Variants in NBPF14 observed in about 807,000 individuals in gnomAD.
The protein encoded by NBPF14 is NBPF member 14.
NBPF14 carries 104 observed loss-of-function variants against 91.2 expected under a neutral mutation model. The ratio of observed to expected loss-of-function variants is 1.14; its 90% CI spans 0.97 to 1.34. NBPF14 has a LOEUF of 1.34. Ranked by LOEUF, NBPF14 falls within the 40% of genes most tolerant of loss-of-function variation. The pLI, the probability that NBPF14 is intolerant of heterozygous loss-of-function variation, is 0.00. For synonymous variants in NBPF14, 294 were observed against 303.8 expected (o/e 0.97, Z 0.34); for missense variants, 908 against 783.0 (o/e 1.16, Z -1.91).
rs1332271006 is a variant in NBPF14 at position 148,539,273 on chromosome 1, T to G, written c.7882+137A>C. 3 of 634,730 alleles carry G rather than the reference T, an allele frequency of 4.7e-6. No individual in the cohort carries two copies. In the East Asian group the frequency reaches 9.7e-5, roughly 20 times the overall value. The allele number at this position is 634,730 out of a possible 1,614,324, so 39.3% of individuals were successfully genotyped here. A position where few individuals can be genotyped will look rare whatever the true frequency, so the allele number is the denominator to read the frequency against. ...CTTCCAACTGAGACTACAGTTTCTTTACAACCTATATGCGCCCATAGGTCC... is the reference window on the plus strand; with the variant it reads ...CTTCCAACTGAGACTACAGTTTCTTGACAACCTATATGCGCCCATAGGTCC... On this transcript the variant is annotated intron_variant, in intron 63 of 70. Coordinates refer to ENST00000619423, the Ensembl canonical transcript of NBPF14.
intron 28 of NBPF14, among the ~76,000 whole-genome samples, chr1:148,566,570 T>A (rs1658435295): frequency 7.2e-6 from 1 of 139,774 alleles, no homozygotes; most frequent in Non-Finnish European, 1.6e-5. Context: ...GAGAACGAGC[T>A]CAGTGAATTG....
chr1:148,561,808 CACACACACACAG>C (rs1657816750), intron 34 of NBPF14, among the ~76,000 whole-genome samples: 1 of 136,198 alleles, frequency 7.3e-6, no homozygotes, highest in Non-Finnish European at 1.5e-5. Context: ...CACAAACACA[CACACACACACAG>C]AGAGAGAGAG....
intron 15 of NBPF14, among the ~76,000 whole-genome samples, chr1:148,576,773 GGAGAAAA>G (rs1421843667): frequency 8.7e-5 from 13 of 148,674 alleles, no homozygotes; most frequent in Non-Finnish European, 1.8e-4. Flanking sequence ...ATGGTTGCTA[GGAGAAAA>G]ACTGCACTAT....
intron 7 of NBPF14, among the ~76,000 whole-genome samples, chr1:148,588,619 G>A (rs1346220131): frequency 7.9e-5 from 12 of 152,218 alleles, no homozygotes; most frequent in African/African-American, 2.9e-4. Flanking sequence ...TTACAGGAGT[G>A]AGCCACCATG....
At chr1:148,566,544 CACACACACACACACAG>C (rs2149516088) in intron 28 of NBPF14, among the ~76,000 whole-genome samples, 1 of 114,538 alleles carries the variant, frequency 8.7e-6, no homozygotes, top group African/African-American at 2.7e-5. Flanking sequence ...CACACACAAA[CACACACACACACACAG>C]AGAACGAGCT....
At chr1:148,554,761 A>T (rs1359156808) in intron 43 of NBPF14, among the ~76,000 whole-genome samples, 3 of 147,086 alleles carry the variant, frequency 2.0e-5, no homozygotes, top group Admixed American at 2.0e-4. Context: ...AGAGTGAAGG[A>T]TGAAATCCAC....
At chr1:148,578,928 A>G in intron 13 of NBPF14, 146 bp downstream of exon 13, 1 of 689,262 alleles carries the variant, frequency 1.5e-6, no homozygotes, top group Non-Finnish European at 2.6e-6. Flanking sequence ...ACTTGACTCC[A>G]GAGTGACTGA....
chr1:148,534,957 A>C lies in NBPF14; in HGVS notation c.8442-101T>G. On this transcript the variant is annotated intron_variant, in intron 68 of 70. Transcript: ENST00000619423. ...TAACATAAGGAACAGTTTAAAAAGA[A>C]AAAGGACAGATCCATTAATGAGGTA... 6 of 743,420 alleles carry C rather than the reference A, an allele frequency of 8.1e-6. No homozygotes were observed. The South Asian group carries it at 8.5e-5, about 11-fold the overall frequency. 46.1% of individuals were successfully genotyped at this position (743,420 alleles called of 1,614,324 possible).
chr1:148,532,408 T>G (rs1188017396), exon 71 of NBPF14: 1 of 162,312 alleles, frequency 6.2e-6, no homozygotes, highest in African/African-American at 2.4e-5. Context: ...TGTTTGTCCA[T>G]CTAGCTGTGG....
rs1654707565 is a variant in NBPF14 at position 148,534,677 on chromosome 1, T to C, written c.8614+7A>G. On this transcript the variant is annotated splice_region_variant and intron_variant, in intron 69 of 70. Coordinates refer to ENST00000619423, the Ensembl canonical transcript of NBPF14. ...GAGGCTTATCACCTTCATAGTAAGG[T>C]ACTCACTGTCCACGTCAAGAGCCAA... is the stretch of plus-strand genomic sequence containing the variant. The C allele has an allele frequency of 2.5e-6, 2 of 799,904 alleles. No homozygotes were observed. Among genetic ancestry groups the C allele is most frequent in the East Asian group, 2.4e-5 (1 of 41,228 alleles). The allele number at this position is 799,904 out of a possible 1,614,324, so 49.6% of individuals were successfully genotyped here.
intron 16 of NBPF14, 32 bp from the exon 17 acceptor site, chr1:148,575,843 CA>C (rs1659593033): frequency 3.2e-6 from 1 of 313,854 alleles, no homozygotes; most frequent in African/African-American, 7.1e-5. Context: ...AAGAATAAGC[CA>C]GGGGGAATCA....
At chr1:148,535,367 G>A in intron 68 of NBPF14, 86 bp downstream of exon 68, 1 of 562,372 alleles carries the variant, frequency 1.8e-6, no homozygotes, top group South Asian at 1.9e-5. Flanking sequence ...CTGAAAACAT[G>A]AAATTGAACA....
intron 51 of NBPF14, among the ~76,000 whole-genome samples, chr1:148,548,355 TC>T (rs1416593399): frequency 2.6e-5 from 1 of 38,262 alleles, no homozygotes; most frequent in East Asian, 6.5e-4. Context: ...AAATCATTTA[TC>T]CCAAGTTTGT....
chr1:148,593,508 C>A, intron 3 of NBPF14, 90 bp downstream of exon 3: 1 of 769,024 alleles, frequency 1.3e-6, no homozygotes, highest in African/African-American at 1.7e-5. Flanking sequence ...TCCCCTGGCC[C>A]AGCTTCGTTC....
At chr1:148,534,850 G>A (rs1211750383) in exon 69 of NBPF14, 2 of 998,282 alleles carry the variant, frequency 2.0e-6, no homozygotes, top group Non-Finnish European at 3.2e-6. Flanking sequence ...GCAGCTCCCT[G>A]CTGAGCCTGG....
intron 68 of NBPF14, 81 bp from the exon 69 acceptor site, chr1:148,534,937 T>G (rs1433203527): frequency 1.3e-6 from 1 of 744,884 alleles, no homozygotes; most frequent in African/African-American, 2.0e-5. Flanking sequence ...ATGGCTAACA[T>G]AAGGAACAGT....
At chr1:148,534,761 G>A in exon 69 of NBPF14, 1 of 821,960 alleles carries the variant, frequency 1.2e-6, no homozygotes, top group Non-Finnish European at 2.1e-6. Flanking sequence ...GCCTAAGTCA[G>A]GCAGTTCAAG....
chr1:148,534,819 CT>C lies in NBPF14; in HGVS notation c.8478del (p.Val2827SerfsTer22). 8.9e-7 allele frequency: 1 copy of C among 1,129,724 alleles called. No homozygotes were observed. Among genetic ancestry groups the C allele is most frequent in the Non-Finnish European group, 1.3e-6 (1 of 753,162 alleles). The allele number at this position is 1,129,724 out of a possible 1,614,324, so 70.0% of individuals were successfully genotyped here. The stretch of plus-strand genomic sequence containing the variant: ...CATCTATCCAGTGAGTCCTGCAAGA[CT>C]TCAGGATCTTTCTCATCCAGCAGCT... On this transcript the variant is annotated frameshift_variant, in exon 69 of 71. Coordinates refer to ENST00000619423, the Ensembl canonical transcript of NBPF14. LOFTEE classifies it high-confidence loss of function.
intron 40 of NBPF14, among the ~76,000 whole-genome samples, chr1:148,557,269 T>G (rs1425141432): frequency 8.8e-5 from 9 of 102,260 alleles, no homozygotes; most frequent in East Asian, 3.2e-4. Context: ...AGAATACAGT[T>G]TTTGAAGTCT....
Sources: gnomAD v4.1 joint callset for allele counts (sites outside exome capture counted in the v4.1 genomes callset) on GRCh38, gnomAD v4.1.1 for gene constraint, MANE v1.5 for transcripts, NCBI Gene and HGNC (gene_info 2026-07-23, HGNC 2026-07-21) for gene names.